CCSER1: variants seen among roughly 807,000 people sequenced by gnomAD.
The protein encoded by CCSER1 is serine-rich coiled-coil domain-containing protein 1.
CCSER1 carries 41 observed loss-of-function variants against 82.0 expected under a neutral mutation model. That is an observed-to-expected ratio of 0.50 (90% CI 0.39 to 0.65). The LOEUF is 0.65. Among genes scored for constraint, CCSER1 ranks in the 30% least tolerant of loss-of-function variants. The probability of loss-of-function intolerance (pLI) is 0.00; values close to 1 mark genes in which losing one functional copy is unlikely to be tolerated. For missense variants in CCSER1, 1,119 were observed against 1,064.2 expected, an observed-to-expected ratio of 1.05 and a Z score of -0.72; for synonymous variants, 414 against 383.9, an observed-to-expected ratio of 1.08 and a Z score of -0.92.
intron 5 of CCSER1, among the ~76,000 whole-genome samples, chr4:90,481,993 T>C (rs1246141236): frequency 6.6e-6 from 1 of 152,174 alleles, no homozygotes; most frequent in Non-Finnish European, 1.5e-5. Context: ...TGTGAATCCA[T>C]CTGGTCCTGG....
intron 1 of CCSER1, among the ~76,000 whole-genome samples, chr4:90,144,679 T>C (rs1553938223): frequency 6.6e-6 from 1 of 152,188 alleles, no homozygotes; most frequent in South Asian, 2.1e-4. Context: ...GTTTCAAGAA[T>C]ACAGTATAAT....
At chr4:90,147,692 T>C (rs750388216) in intron 1 of CCSER1, among the ~76,000 whole-genome samples, 2 of 152,278 alleles carry the variant, frequency 1.3e-5, no homozygotes, top group Non-Finnish European at 2.9e-5. Context: ...AATACATCCG[T>C]AAATACAAAC....
chr4:90,418,697 C>T (rs1419552533), intron 4 of CCSER1, among the ~76,000 whole-genome samples: 1 of 151,986 alleles, frequency 6.6e-6, no homozygotes, highest in Non-Finnish European at 1.5e-5. Context: ...GTTAAAATCA[C>T]ATGTTCACTG....
chr4:90,284,172 T>C (rs1297827344), intron 1 of CCSER1, among the ~76,000 whole-genome samples: 1 of 152,102 alleles, frequency 6.6e-6, no homozygotes, highest in Non-Finnish European at 1.5e-5. Flanking sequence ...ATTTTTCTTA[T>C]TACATTTTTG....
At chr4:90,918,362 G>A in intron 8 of CCSER1, 1 of 417,650 alleles carries the variant, frequency 2.4e-6, no homozygotes, top group Non-Finnish European at 4.7e-6. Flanking sequence ...AAATTGGACT[G>A]ATTTTTTGGG....
chr4:90,691,602 T>TATATCACATGTGA (rs1735943102), intron 6 of CCSER1, among the ~76,000 whole-genome samples: 3 of 146,818 alleles, frequency 2.0e-5, no homozygotes, highest in Admixed American at 6.9e-5. Context: ...ATCACATGTG[T>TATATCACATGTGA]ATATATCACA....
chr4:91,540,420 T>C (rs1009716368), intron 10 of CCSER1, among the ~76,000 whole-genome samples: 6 of 152,290 alleles, frequency 3.9e-5, no homozygotes, highest in Admixed American at 3.3e-4. Context: ...GTTTTCTTAT[T>C]GTTTAATGCT....
At chr4:90,570,976 T>C (rs1179683161) in intron 5 of CCSER1, among the ~76,000 whole-genome samples, 2 of 151,494 alleles carry the variant, frequency 1.3e-5, no homozygotes, top group African/African-American at 4.9e-5. Flanking sequence ...AACAAACATA[T>C]GAAAAAATGC....
At chr4:91,174,387 A>T (rs1242984922) in intron 10 of CCSER1, among the ~76,000 whole-genome samples, 1 of 152,162 alleles carries the variant, frequency 6.6e-6, no homozygotes, top group East Asian at 1.9e-4. Flanking sequence ...GAGTATAATT[A>T]TAACTAATTT....
At chr4:90,466,522 C>T (rs1023364498) in intron 4 of CCSER1, among the ~76,000 whole-genome samples, 1 of 152,172 alleles carries the variant, frequency 6.6e-6, no homozygotes, top group South Asian at 2.1e-4. Flanking sequence ...TTCATTGATA[C>T]CTTGATTTTG....
intron 9 of CCSER1, among the ~76,000 whole-genome samples, chr4:91,000,125 A>G (rs1737873592): frequency 6.6e-6 from 1 of 151,902 alleles, no homozygotes; most frequent in African/African-American, 2.4e-5. Flanking sequence ...TGAGTTATCT[A>G]TTCTGTTCCA....
At chr4:91,291,559 A>G (rs1743752224) in intron 10 of CCSER1, among the ~76,000 whole-genome samples, 1 of 151,994 alleles carries the variant, frequency 6.6e-6, no homozygotes, top group African/African-American at 2.4e-5. Flanking sequence ...CACATATCAC[A>G]TGGCTGGAGC....
intron 1 of CCSER1, among the ~76,000 whole-genome samples, chr4:90,260,576 C>T (rs776001650): frequency 2.0e-5 from 3 of 152,074 alleles, no homozygotes; most frequent in Non-Finnish European, 4.4e-5. Context: ...AATAGCTACT[C>T]CTACTTCTTC....
chr4:90,408,420 T>C lies in CCSER1; in HGVS notation c.1603+8291T>C, dbSNP rs575895897. The stretch of plus-strand genomic sequence containing the variant: ...ACTGACACCTCACACGGCCGGATAC[T>C]CCTCTGAGACAAAACTTCCAGAGGA... On this transcript the variant is annotated intron_variant, in intron 4 of 10. Coordinates refer to ENST00000509176, the MANE Select transcript of CCSER1 (RefSeq NM_001145065.2). Among the ~76,000 whole-genome samples, 6 of 152,258 alleles carry C rather than the reference T, an allele frequency of 3.9e-5. No homozygotes were observed. In the East Asian group the frequency reaches 1.2e-3, roughly 29 times the overall value.
intron 8 of CCSER1, among the ~76,000 whole-genome samples, chr4:90,899,051 C>A (rs1240985581): frequency 6.6e-6 from 1 of 151,982 alleles, no homozygotes; most frequent in African/African-American, 2.4e-5. Flanking sequence ...GTCATTTTAA[C>A]AACATTGGTT....
At chr4:90,473,587 T>C (rs1379303687) in intron 5 of CCSER1, among the ~76,000 whole-genome samples, 4 of 152,206 alleles carry the variant, frequency 2.6e-5, no homozygotes, top group Non-Finnish European at 5.9e-5. Flanking sequence ...TTTTAAAGAA[T>C]TGCTAACACT....
intron 10 of CCSER1, among the ~76,000 whole-genome samples, chr4:91,103,188 G>T (rs1002326526): frequency 2.0e-5 from 3 of 152,016 alleles, no homozygotes; most frequent in Non-Finnish European, 2.9e-5. Context: ...CTCCTTCGAG[G>T]TCATTTATTT....
At chr4:90,287,525 A>T (rs937300602) in intron 1 of CCSER1, among the ~76,000 whole-genome samples, 1 of 151,914 alleles carries the variant, frequency 6.6e-6, no homozygotes, top group Non-Finnish European at 1.5e-5. Flanking sequence ...TTTCCATGTT[A>T]CATGAGTCTC....
intron 10 of CCSER1, among the ~76,000 whole-genome samples, chr4:91,125,530 T>G (rs754001801): frequency 6.6e-6 from 1 of 151,724 alleles, no homozygotes; most frequent in African/African-American, 2.4e-5. Flanking sequence ...TGTTTTGTGC[T>G]TTAGAAGATA....
Sources: allele counts gnomAD v4.1 joint callset (sites outside exome capture counted in the v4.1 genomes callset), GRCh38; gene constraint gnomAD v4.1.1; transcripts MANE v1.5; gene names NCBI Gene and HGNC (gene_info 2026-07-23, HGNC 2026-07-21).